Variants in LAMA3 observed in about 807,000 individuals in gnomAD.
LAMA3 encodes laminin subunit alpha-3.
Under a neutral mutation model 402.0 loss-of-function variants are expected in LAMA3, and 281 were observed. The observed-to-expected ratio is 0.70, with a 90% CI of 0.63 to 0.77. The LOEUF (loss-of-function observed/expected upper bound fraction) is 0.77. LAMA3 is among the 30% of genes least tolerant of loss of function. LAMA3 has a pLI of 0.00. For missense variants in LAMA3, 3,840 were observed against 4,215.5 expected (o/e 0.91, Z 2.47); for synonymous variants, 1,431 against 1,558.4 (o/e 0.92, Z 1.93).
In LAMA3 at chr18:23,832,056, T is replaced by G. The variant is rs138973745; in HGVS notation, c.2824-1772T>G. ...CTGACTTTGCCCATCAAATGTACCTTAAACTCTTCAAACAAGTCTTCCAAC... is the reference window on the plus strand; with the variant it reads ...CTGACTTTGCCCATCAAATGTACCTGAAACTCTTCAAACAAGTCTTCCAAC... On this transcript the variant is annotated intron_variant, in intron 23 of 74. Transcript: ENST00000313654. 1.3e-3 allele frequency among the ~76,000 whole-genome samples: 199 copies of G among 152,340 alleles called. 1 individual carries two copies. The highest frequency in any genetic ancestry group is 4.6e-3 in the African/African-American group (193 of 41,564).
At chr18:23,842,352 T>G in intron 27 of LAMA3, 43 bp from the exon 28 acceptor site, 1 of 1,612,840 alleles carries the variant, frequency 6.2e-7, no homozygotes, top group Non-Finnish European at 8.5e-7. Flanking sequence ...GCTCTTCAGC[T>G]TGAGGGTTTT....
intron 15 of LAMA3, 24 bp from the exon 16 acceptor site, chr18:23,815,164 A>C: frequency 6.2e-7 from 1 of 1,611,042 alleles, no homozygotes. Context: ...CCCTTAGTTC[A>C]AGGATGCTCT....
intron 62 of LAMA3, among the ~76,000 whole-genome samples, chr18:23,924,128 G>A (rs1158174636): frequency 2.0e-5 from 3 of 151,966 alleles, no homozygotes; most frequent in African/African-American, 4.8e-5. Context: ...GGTTACAGGC[G>A]TGAGCCACTG....
At position 23,879,766 on chromosome 18, in the gene LAMA3, G is replaced by A. The variant is rs1385712652; in HGVS notation, c.5113-2170G>A. Among the ~76,000 whole-genome samples, 1 of 152,210 alleles carries A rather than the reference G, an allele frequency of 6.6e-6. No homozygotes were observed. The highest frequency in any genetic ancestry group is 1.5e-5 in the Non-Finnish European group (1 of 68,034). Reference sequence around the variant, plus strand: ...GTGGCCACTCTCAACTGACAGTGAAGGGTTTCTCACATATTTTTACGGGAC... The same window carrying A: ...GTGGCCACTCTCAACTGACAGTGAAAGGTTTCTCACATATTTTTACGGGAC... On this transcript the variant is annotated intron_variant, in intron 39 of 74. Transcript: ENST00000313654. The surrounding 1 kb of genome is among the most constrained non-coding windows in gnomAD (Gnocchi z 4.2).
Position 23,824,558 on chromosome 18 carries a change from TC to T in LAMA3, c.2566del (p.Leu856PhefsTer44), listed in dbSNP as rs1415232782. The T allele has an allele frequency of 6.2e-7, 1 of 1,613,824 alleles. No homozygotes were observed. Among genetic ancestry groups the T allele is most frequent in the South Asian group, 1.1e-5 (1 of 91,074 alleles). ...GTTGCTTGTATTAAGGCAGAAGGAG[TC>T]CTTCTGGTAAGACTTAGTTCTGAAT... ...IWVACIKAEG[V>X]LLDYLVLLPR... is the part of the protein sequence containing the mutation. On this transcript the variant is annotated frameshift_variant, in exon 21 of 75. Coordinates refer to ENST00000313654, the MANE Select transcript of LAMA3 (RefSeq NM_198129.4). LOFTEE classifies it high-confidence loss of function.
Position 23,775,919 on chromosome 18 carries a change from C to T in LAMA3, c.1401C>T (p.Cys467=), listed in dbSNP as rs764100312. Residue 467 remains cysteine (C), a synonymous_variant, in exon 10 of 75, where the codon TGC becomes TGT. Transcript: ENST00000313654. Reference sequence around the variant, plus strand: ...TTGGATACTACAATTTCCCATTTTGCTTGAGTAAGTACCCACTGCAGAACA... The same window carrying T: ...TTGGATACTACAATTTCCCATTTTGTTTGAGTAAGTACCCACTGCAGAACA... ...CAIGYYNFPF[C]LRIPIFPVST... 6.8e-6 allele frequency: 11 copies of T among 1,614,012 alleles called. No homozygotes were observed. In the Admixed American group the frequency reaches 1.7e-4, roughly 24 times the overall value.
At chr18:23,910,498 A>G (rs1162879248) in intron 55 of LAMA3, among the ~76,000 whole-genome samples, 1 of 152,208 alleles carries the variant, frequency 6.6e-6, no homozygotes, top group African/African-American at 2.4e-5. Flanking sequence ...CACAGAAATT[A>G]TTAAGTCATA....
intron 29 of LAMA3, among the ~76,000 whole-genome samples, chr18:23,843,216 A>C (rs1366816589): frequency 6.6e-6 from 1 of 151,662 alleles, no homozygotes; most frequent in East Asian, 1.9e-4. Context: ...TATTCTCTCC[A>C]CTGTGGGAAG....
At chr18:23,835,190 T>C (rs1239891100) in intron 24 of LAMA3, among the ~76,000 whole-genome samples, 1 of 152,210 alleles carries the variant, frequency 6.6e-6, no homozygotes, top group Non-Finnish European at 1.5e-5. Flanking sequence ...CCAGGGCTTC[T>C]CCATACCCAT....
At chr18:23,723,296 A>G (rs986719195) in intron 2 of LAMA3, among the ~76,000 whole-genome samples, 2 of 152,208 alleles carry the variant, frequency 1.3e-5, no homozygotes, top group African/African-American at 2.4e-5. Context: ...ATACTCACCA[A>G]AGCATTATAA....
chr18:23,745,033 T>G, intron 2 of LAMA3, among the ~76,000 whole-genome samples: 1 of 152,110 alleles, frequency 6.6e-6, no homozygotes, highest in East Asian at 1.9e-4. Flanking sequence ...AATACAATTT[T>G]GAATATATGG....
At chr18:23,876,233 T>C in intron 38 of LAMA3, 61 bp from the exon 39 acceptor site, 1 of 1,108,632 alleles carries the variant, frequency 9.0e-7, no homozygotes, top group Non-Finnish European at 1.4e-6. Flanking sequence ...AGGTGTCACA[T>C]GCTTTGGATA....
At chr18:23,824,591 C>T in intron 21 of LAMA3, 26 bp downstream of exon 21, 1 of 1,612,612 alleles carries the variant, frequency 6.2e-7, no homozygotes, top group Non-Finnish European at 8.5e-7. Context: ...GAATGGAGAG[C>T]TCCTGCGGGA....
intron 29 of LAMA3, among the ~76,000 whole-genome samples, chr18:23,843,656 A>C (rs1598903689): frequency 6.6e-6 from 1 of 151,848 alleles, no homozygotes; most frequent in Non-Finnish European, 1.5e-5. Context: ...ATGCCCTGTG[A>C]CCCAGCCACT....
chr18:23,734,656 A>G (rs762110369), intron 2 of LAMA3, among the ~76,000 whole-genome samples: 75 of 152,238 alleles, frequency 4.9e-4, no homozygotes, highest in Non-Finnish European at 7.5e-4. Flanking sequence ...TTAGAACTCC[A>G]TGAACAGAAA....
chr18:23,904,573 G>A lies in LAMA3; in HGVS notation c.6494G>A (p.Gly2165Glu), dbSNP rs1159772216. ...TCCAGGATCAAGAGAAACGCCAGCG[G>A]GGATGAGCTGGTGCGCTGTGCTGTG... is the stretch of plus-strand genomic sequence containing the variant. ...QLEEIKRNASGDELVRCAVDA... is the reference protein window; with the variant it reads ...QLEEIKRNASEDELVRCAVDA... The change falls in exon 51 of 75, where the codon GGG becomes GAG. Residue 2165 changes from glycine (G) to glutamate (E), a missense_variant. Physicochemically the swap from Gly to Glu is moderately conservative, Grantham distance 98 (BLOSUM62 -2). This residue lies in a region of LAMA3 where 891 missense variants were observed against 857.5 expected (regional missense o/e 1.04). Coordinates refer to ENST00000313654, the MANE Select transcript of LAMA3 (RefSeq NM_198129.4). 8.7e-6 allele frequency: 14 copies of A among 1,603,592 alleles called. No individual in the cohort carries two copies. Among genetic ancestry groups the A allele is most frequent in the Non-Finnish European group, 1.1e-5 (13 of 1,175,192 alleles).
intron 22 of LAMA3, 43 bp from the exon 23 acceptor site, chr18:23,827,271 T>C (rs1163858208): frequency 1.9e-6 from 3 of 1,606,216 alleles, no homozygotes; most frequent in Non-Finnish European, 2.6e-6. Context: ...TTTGATGTTC[T>C]CAGTTGTAAC....
intron 40 of LAMA3, 25 bp downstream of exon 40, chr18:23,882,070 T>C (rs1407397768): frequency 2.6e-6 from 4 of 1,539,756 alleles, no homozygotes; most frequent in Non-Finnish European, 3.6e-6. Flanking sequence ...TGACATAACC[T>C]ACAGGGACCC....
intron 12 of LAMA3, among the ~76,000 whole-genome samples, chr18:23,795,865 A>G (rs1436673522): frequency 1.3e-5 from 2 of 152,192 alleles, no homozygotes; most frequent in Non-Finnish European, 2.9e-5. Context: ...TCATATGTTG[A>G]AGCCCTAACC....
Sources: allele counts gnomAD v4.1 joint callset (sites outside exome capture counted in the v4.1 genomes callset), GRCh38; gene constraint gnomAD v4.1.1; regional missense constraint gnomAD v4.1.1; non-coding constraint Gnocchi (gnomAD v3.1); transcripts MANE v1.5; gene names NCBI Gene and HGNC (gene_info 2026-07-23, HGNC 2026-07-21).